The following PTGFR variants were observed in gnomAD, a reference collection of about 807,000 sequenced individuals.
The protein encoded by PTGFR is prostaglandin F receptor.
PTGFR carries 15 observed loss-of-function variants against 26.2 expected under a neutral mutation model. That is an observed-to-expected ratio of 0.57 (90% CI 0.38 to 0.88). The LOEUF (loss-of-function observed/expected upper bound fraction) is 0.88. Among genes scored for constraint, PTGFR ranks in the 40% least tolerant of loss-of-function variants. The pLI, the probability that PTGFR is intolerant of heterozygous loss-of-function variation, is 0.00. For synonymous variants in PTGFR, 165 were observed against 151.1 expected, an observed-to-expected ratio of 1.09 and a Z score of -0.68; for missense variants, 369 against 427.2, an observed-to-expected ratio of 0.86 and a Z score of 1.20.
intron 2 of PTGFR, among the ~76,000 whole-genome samples, chr1:78,518,613 CACACACAT>C (rs1435750698): frequency 2.0e-4 from 23 of 114,294 alleles, no homozygotes; most frequent in African/African-American, 4.2e-4. Context: ...CACACACACA[CACACACAT>C]ACGCATTTAT....
chr1:78,513,174 A>T (rs1650013253), intron 2 of PTGFR, among the ~76,000 whole-genome samples: 1 of 152,298 alleles, frequency 6.6e-6, no homozygotes, highest in Non-Finnish European at 1.5e-5. Context: ...TTGGAACTGT[A>T]AAATGGGCAG....
chr1:78,526,987 C>G (rs1204705844), intron 2 of PTGFR, among the ~76,000 whole-genome samples: 2 of 152,234 alleles, frequency 1.3e-5, no homozygotes, highest in Middle Eastern at 3.4e-3. Context: ...CTGAAATTTT[C>G]TCTCTAGTGG....
At chr1:78,498,140 T>C (rs967798482) in intron 2 of PTGFR, among the ~76,000 whole-genome samples, 1 of 152,220 alleles carries the variant, frequency 6.6e-6, no homozygotes, top group East Asian at 1.9e-4. Context: ...ATTGGCTTCA[T>C]AATGACCAAG....
chr1:78,496,654 T>C (rs757340834), intron 2 of PTGFR, among the ~76,000 whole-genome samples: 1 of 152,186 alleles, frequency 6.6e-6, no homozygotes, highest in Admixed American at 6.5e-5. Context: ...AACTTGTCAA[T>C]AGTGGCATAA....
In PTGFR at chr1:78,540,291, G is replaced by A. The variant is rs1650764633; in HGVS notation, c.*3604G>A. Among the ~76,000 whole-genome samples the A allele has an allele frequency of 6.6e-6, 1 of 151,988 alleles. No individual in the cohort carries two copies. Among genetic ancestry groups the A allele is most frequent in the Non-Finnish European group, 1.5e-5 (1 of 67,984 alleles). ...AATGTGGCTTTACTAACTTCCCAGG[G>A]GGCAGCTAAGTGCAATACTATATGT... On this transcript the variant is annotated 3_prime_UTR_variant, in exon 3 of 3. Transcript: ENST00000370757.
chr1:78,523,907 G>C (rs1278792040), intron 2 of PTGFR, among the ~76,000 whole-genome samples: 1 of 151,946 alleles, frequency 6.6e-6, no homozygotes, highest in African/African-American at 2.4e-5. Context: ...CCTAACTCTT[G>C]GGAACTATAT....
At chr1:78,530,932 C>A (rs192397034) in intron 2 of PTGFR, among the ~76,000 whole-genome samples, 34 of 152,198 alleles carry the variant, frequency 2.2e-4, no homozygotes, top group African/African-American at 7.7e-4. Context: ...AGAAAGATAG[C>A]AACCACCTCT....
rs543540958 is a variant in PTGFR, at chr1:78,508,310, T to G, written c.798+14769T>G. Among the ~76,000 whole-genome samples, 4 of 152,358 alleles carry G rather than the reference T, an allele frequency of 2.6e-5. No individual in the cohort carries two copies. The South Asian group carries it at 8.3e-4, about 32-fold the overall frequency. ...AGACAGATTTGGTATTCTGTTTTTATTGCATTCTTTATGTTTTGAAATTTA... is the reference window on the plus strand; with the variant it reads ...AGACAGATTTGGTATTCTGTTTTTAGTGCATTCTTTATGTTTTGAAATTTA... On this transcript the variant is annotated intron_variant, in intron 2 of 2. Coordinates refer to ENST00000370757, the MANE Select transcript of PTGFR (RefSeq NM_000959.4).
chr1:78,493,085 C>T lies in PTGFR; in HGVS notation c.342C>T (p.Cys114=), dbSNP rs76806235. 4.3e-4 allele frequency: 702 copies of T among 1,614,218 alleles called. 2 individuals carry two copies. The African/African-American group carries it at 8.4e-3, about 19-fold the overall frequency. Residue 114 remains cysteine (C), a synonymous_variant, in exon 2 of 3, where the codon TGC becomes TGT. Coordinates refer to ENST00000370757, the MANE Select transcript of PTGFR (RefSeq NM_000959.4). ...SNVLCSIFGI[C]MVFSGLCPLL... Reference sequence around the variant, plus strand: ...TCCTTTGCAGTATTTTTGGTATCTGCATGGTGTTTTCTGGTCTGTGCCCAC... The same window carrying T: ...TCCTTTGCAGTATTTTTGGTATCTGTATGGTGTTTTCTGGTCTGTGCCCAC...
chr1:78,501,492 C>T (rs1442897040), intron 2 of PTGFR, among the ~76,000 whole-genome samples: 2 of 152,142 alleles, frequency 1.3e-5, no homozygotes, highest in Non-Finnish European at 2.9e-5. Context: ...TGTAACACAG[C>T]TAATGCCATA....
intron 2 of PTGFR, among the ~76,000 whole-genome samples, chr1:78,502,883 T>A (rs1009161929): frequency 6.6e-6 from 1 of 152,126 alleles, no homozygotes; most frequent in Non-Finnish European, 1.5e-5. Flanking sequence ...TGCAGGAAAC[T>A]GAAATATAAC....
chr1:78,525,679 C>G (rs1279099596), intron 2 of PTGFR, among the ~76,000 whole-genome samples: 1 of 152,086 alleles, frequency 6.6e-6, no homozygotes, highest in Non-Finnish European at 1.5e-5. Context: ...CCCTGACCCT[C>G]TAATCACATG....
chr1:78,503,349 A>G (rs1649754005), intron 2 of PTGFR, among the ~76,000 whole-genome samples: 1 of 152,284 alleles, frequency 6.6e-6, no homozygotes, highest in Non-Finnish European at 1.5e-5. Flanking sequence ...GCATTACAAA[A>G]GCTCCTAACA....
chr1:78,493,188 T>C lies in PTGFR; in HGVS notation c.445T>C (p.Ser149Pro), dbSNP rs766906575. 2 of 1,614,098 alleles carry C rather than the reference T, an allele frequency of 1.2e-6. No homozygotes were observed. Among genetic ancestry groups the C allele is most frequent in the African/African-American group, 2.7e-5 (2 of 74,938 alleles). ...AATATTTCATTCTACGAAAATTACA[T>C]CCAAACATGTGAAAATGATGTTAAG... ...KPIFHSTKIT[S>P]KHVKMMLSGV... is the part of the protein sequence containing the mutation. The change falls in exon 2 of 3, where the codon TCC becomes CCC. Residue 149 changes from serine to proline, a missense_variant. Ser to Pro is a moderately conservative substitution (Grantham distance 74). Transcript: ENST00000370757.
intron 2 of PTGFR, among the ~76,000 whole-genome samples, chr1:78,502,177 T>C (rs1294077292): frequency 6.6e-6 from 1 of 152,192 alleles, no homozygotes; most frequent in Non-Finnish European, 1.5e-5. Flanking sequence ...CTAAATATTC[T>C]GATAATTTGT....
chr1:78,502,646 C>T (rs900606181), intron 2 of PTGFR, among the ~76,000 whole-genome samples: 4 of 151,978 alleles, frequency 2.6e-5, no homozygotes, highest in African/African-American at 7.2e-5. Context: ...ATCAAAGACA[C>T]GTTAAAATTA....
rs2100410876 is a variant in PTGFR, at chr1:78,539,146, G to T, written c.*2459G>T. 1 of 151,512 alleles carries T rather than the reference G, an allele frequency of 6.6e-6. No homozygotes were observed. The highest frequency in any genetic ancestry group is 2.4e-5 in the African/African-American group (1 of 41,402). 9.4% of individuals were successfully genotyped at this position (151,512 alleles called of 1,614,324 possible). On this transcript the variant is annotated 3_prime_UTR_variant, in exon 3 of 3. Coordinates refer to ENST00000370757, the MANE Select transcript of PTGFR (RefSeq NM_000959.4). ...GATGGGTTAACTAGGTGAAAGAAAT[G>T]GGCCCTTATTTTTTTTTTTCCCTAG...
At position 78,497,675 on chromosome 1, in the gene PTGFR, A is replaced by G. The variant is rs1044615150; in HGVS notation, c.798+4134A>G. 1.3e-5 allele frequency among the ~76,000 whole-genome samples: 2 copies of G among 152,186 alleles called. 1 individual carries two copies. Among genetic ancestry groups the G allele is most frequent in the Admixed American group, 1.3e-4 (2 of 15,278 alleles). On this transcript the variant is annotated intron_variant, in intron 2 of 2. Coordinates refer to ENST00000370757, the MANE Select transcript of PTGFR (RefSeq NM_000959.4). ...TTGTTGACTGGTTGACTGTAACTTA[A>G]GTAGTATGAATGTCAAAAGATTGGA...
At chr1:78,496,038 T>C (rs577209580) in intron 2 of PTGFR, among the ~76,000 whole-genome samples, 4 of 152,344 alleles carry the variant, frequency 2.6e-5, no homozygotes, top group Admixed American at 2.6e-4. Flanking sequence ...GCTGATATTT[T>C]GAGTTGTTTT....
Sources: gnomAD v4.1 joint callset for allele counts (sites outside exome capture counted in the v4.1 genomes callset) on GRCh38, gnomAD v4.1.1 for gene constraint, MANE v1.5 for transcripts, NCBI Gene and HGNC (gene_info 2026-07-23, HGNC 2026-07-21) for gene names.